The following BSPRY variants were observed in gnomAD, a reference collection of about 807,000 sequenced individuals.
BSPRY encodes B box and SPRY domain-containing protein.
BSPRY carries 33 observed loss-of-function variants against 38.0 expected under a neutral mutation model. The observed-to-expected ratio is 0.87, with a 90% CI of 0.66 to 1.16. The LOEUF (loss-of-function observed/expected upper bound fraction) is 1.16. BSPRY is among the 50% of genes most tolerant of loss of function. The probability of loss-of-function intolerance (pLI) is 0.00; values close to 1 mark genes in which losing one functional copy is unlikely to be tolerated. For missense variants in BSPRY, 523 were observed against 533.2 expected (o/e 0.98, Z 0.19); for synonymous variants, 224 against 228.5 (o/e 0.98, Z 0.18).
At chr9:113,357,066 A>T (rs575118917) in intron 2 of BSPRY, among the ~76,000 whole-genome samples, 2 of 152,222 alleles carry the variant, frequency 1.3e-5, no homozygotes, top group African/African-American at 4.8e-5. Context: ...GAGTGTAGAC[A>T]CGAAAGAGCA....
At chr9:113,359,890 A>G (rs1272110656) in intron 2 of BSPRY, among the ~76,000 whole-genome samples, 1 of 152,180 alleles carries the variant, frequency 6.6e-6, no homozygotes, top group Admixed American at 6.6e-5. Flanking sequence ...ATTTAAAAAA[A>G]AAAATTTCCC....
At chr9:113,357,356 A>T (rs1437609051) in intron 2 of BSPRY, among the ~76,000 whole-genome samples, 1 of 152,236 alleles carries the variant, frequency 6.6e-6, no homozygotes, top group Non-Finnish European at 1.5e-5. Context: ...TTTTATAGCC[A>T]CATGTACCCT....
rs1834007801 is a variant in BSPRY at position 113,353,664 on chromosome 9, C to T, written c.202-576C>T. Among the ~76,000 whole-genome samples the T allele has an allele frequency of 2.0e-5, 3 of 152,082 alleles. No homozygotes were observed. The South Asian group carries it at 6.2e-4, about 32-fold the overall frequency. ...GTTGCAGTGAGCCGAGATCGCACCA[C>T]TGCACTCCAGCCTGGGCAACCGAGT... On this transcript the variant is annotated intron_variant, in intron 1 of 5. Coordinates refer to ENST00000374183, the MANE Select transcript of BSPRY (RefSeq NM_017688.3).
intron 3 of BSPRY, among the ~76,000 whole-genome samples, chr9:113,361,866 C>T (rs913506509): frequency 1.3e-5 from 2 of 152,158 alleles, no homozygotes; most frequent in Admixed American, 6.5e-5. Flanking sequence ...GCATCTGAGT[C>T]ACAAGCAGAG....
At chr9:113,364,945 T>G (rs1834222280) in intron 4 of BSPRY, among the ~76,000 whole-genome samples, 1 of 118,696 alleles carries the variant, frequency 8.4e-6, no homozygotes, top group Admixed American at 8.5e-5. Flanking sequence ...ATTCCTTAGC[T>G]TGTTTTTTTT....
chr9:113,368,223 A>T (rs374538424), intron 4 of BSPRY, 36 bp from the exon 5 acceptor site: 31 of 1,605,112 alleles, frequency 1.9e-5, no homozygotes, highest in Non-Finnish European at 2.6e-5. Flanking sequence ...TTCCAGAACC[A>T]TCCTGAATCT....
chr9:113,360,415 C>A, intron 2 of BSPRY, 92 bp from the exon 3 acceptor site: 1 of 1,216,880 alleles, frequency 8.2e-7, no homozygotes, highest in Non-Finnish European at 1.2e-6. Flanking sequence ...GCTAATCAAT[C>A]TCAACACTCC....
chr9:113,363,058 T>C (rs1834180339), intron 4 of BSPRY, among the ~76,000 whole-genome samples: 1 of 152,216 alleles, frequency 6.6e-6, no homozygotes. Flanking sequence ...TGTATTTCAA[T>C]GGGTATAAAT....
At chr9:113,362,564 G>C (rs548669030) in intron 4 of BSPRY, among the ~76,000 whole-genome samples, 170 bp downstream of exon 4, 32 of 152,340 alleles carry the variant, frequency 2.1e-4, no homozygotes, top group African/African-American at 7.2e-4. Flanking sequence ...CCTTGGCTTA[G>C]AGAACTGCTT....
In BSPRY at chr9:113,369,844, C is replaced by T. The variant is rs769043503; in HGVS notation, c.911C>T (p.Ser304Leu). The T allele has an allele frequency of 1.9e-6, 3 of 1,614,214 alleles. No homozygotes were observed. Among genetic ancestry groups the T allele is most frequent in the East Asian group, 2.2e-5 (1 of 44,886 alleles). ...NSCAYKVGVA[S>L]GHLPRKGSGS... ...TGTGCCTATAAGGTGGGCGTGGCTT[C>T]AGGCCACCTGCCCCGCAAGGGTTCT... The change falls in exon 6 of 6, where the codon TCA becomes TTA. Residue 304 changes from serine to leucine, a missense_variant. By Grantham distance (145) the Ser-to-Leu change is moderately radical. Transcript: ENST00000374183.
At chr9:113,368,902 G>A (rs1834294708) in intron 5 of BSPRY, among the ~76,000 whole-genome samples, 1 of 152,136 alleles carries the variant, frequency 6.6e-6, no homozygotes, top group South Asian at 2.1e-4. Context: ...GTTCTCCAGA[G>A]CAGGCCTCCT....
At chr9:113,364,947 G>GTTTTTTTTTT (rs144272713) in intron 4 of BSPRY, among the ~76,000 whole-genome samples, 5 of 134,524 alleles carry the variant, frequency 3.7e-5, no homozygotes, top group Non-Finnish European at 6.6e-5. Context: ...TCCTTAGCTT[G>GTTTTTTTTTT]TTTTTTTTTT....
At chr9:113,361,336 A>G (rs1026031462) in intron 3 of BSPRY, among the ~76,000 whole-genome samples, 3 of 152,236 alleles carry the variant, frequency 2.0e-5, no homozygotes. Context: ...GCAAGGGAAT[A>G]AAACTATGTT....
intron 2 of BSPRY, among the ~76,000 whole-genome samples, chr9:113,355,893 G>A (rs1224320832): frequency 6.6e-6 from 1 of 152,154 alleles, no homozygotes; most frequent in African/African-American, 2.4e-5. Flanking sequence ...TGGGATTACA[G>A]GCGTGAGCCA....
intron 4 of BSPRY, among the ~76,000 whole-genome samples, chr9:113,364,077 T>C (rs911291613): frequency 6.6e-6 from 1 of 151,626 alleles, no homozygotes; most frequent in Non-Finnish European, 1.5e-5. Flanking sequence ...TCTCAGTTAC[T>C]GGGGAAGCTG....
At chr9:113,350,491 G>C (rs950037684) in intron 1 of BSPRY, among the ~76,000 whole-genome samples, 5 of 152,122 alleles carry the variant, frequency 3.3e-5, no homozygotes, top group South Asian at 2.1e-4. Flanking sequence ...CTTCCAGCTC[G>C]GCTCCAGGGT....
At chr9:113,364,401 T>A (rs1739535428) in intron 4 of BSPRY, among the ~76,000 whole-genome samples, 1 of 152,218 alleles carries the variant, frequency 6.6e-6, no homozygotes, top group Admixed American at 6.5e-5. Context: ...CCTTGTACAA[T>A]CTTTTCACAC....
intron 2 of BSPRY, among the ~76,000 whole-genome samples, chr9:113,357,285 G>A (rs991430651): frequency 7.2e-5 from 11 of 152,232 alleles, no homozygotes; most frequent in African/African-American, 2.2e-4. Flanking sequence ...ATAGATTCAT[G>A]TGATTACTAC....
At chr9:113,364,131 A>G (rs974295029) in intron 4 of BSPRY, among the ~76,000 whole-genome samples, 1 of 151,984 alleles carries the variant, frequency 6.6e-6, no homozygotes, top group Admixed American at 6.6e-5. Context: ...GGTTATAGTG[A>G]GCTGAGAGCC....
Sources: gnomAD v4.1 joint callset for allele counts (sites outside exome capture counted in the v4.1 genomes callset) on GRCh38, gnomAD v4.1.1 for gene constraint, MANE v1.5 for transcripts, NCBI Gene and HGNC (gene_info 2026-07-23, HGNC 2026-07-21) for gene names.